The following RPS6KC1 variants were observed in gnomAD, a reference collection of about 807,000 sequenced individuals.
The protein encoded by RPS6KC1 is inactive ribosomal protein S6 kinase delta-1.
In RPS6KC1, 54 loss-of-function variants were observed where a neutral mutation model predicts 103.8. The observed-to-expected ratio is 0.52, with a 90% CI of 0.42 to 0.65. The LOEUF (loss-of-function observed/expected upper bound fraction) is 0.65. Among genes scored for constraint, RPS6KC1 ranks in the 30% least tolerant of loss-of-function variants. The pLI, the probability that RPS6KC1 is intolerant of heterozygous loss-of-function variation, is 0.00. For synonymous variants in RPS6KC1, 439 were observed against 438.7 expected (o/e 1.00, Z -0.01); for missense variants, 1,151 against 1,253.8 (o/e 0.92, Z 1.24).
chr1:213,298,449 A>T, the RPS6KC1 span, among the ~76,000 whole-genome samples: 1 of 152,094 alleles, frequency 6.6e-6, no homozygotes, highest in South Asian at 2.1e-4. Flanking sequence ...AAATTTCCCA[A>T]TCATGAGCCC....
intron 6 of RPS6KC1, among the ~76,000 whole-genome samples, chr1:213,136,961 C>T (rs1444480420): frequency 1.3e-5 from 2 of 152,096 alleles, no homozygotes; most frequent in Admixed American, 1.3e-4. Context: ...CCCAAAAAGC[C>T]AGGACTTCAG....
intron 8 of RPS6KC1, among the ~76,000 whole-genome samples, chr1:213,193,036 C>T (rs1333620025): frequency 6.6e-6 from 1 of 151,218 alleles, no homozygotes; most frequent in African/African-American, 2.4e-5. Context: ...TAGTTTTATT[C>T]CATTGTGGTC....
chr1:213,827,608 A>G, the RPS6KC1 span, among the ~76,000 whole-genome samples: 1 of 152,244 alleles, frequency 6.6e-6, no homozygotes, highest in African/African-American at 2.4e-5. Context: ...TTTTTATATA[A>G]CAAGCTTTTC....
chr1:213,403,661 C>T, the RPS6KC1 span, among the ~76,000 whole-genome samples: 25 of 152,186 alleles, frequency 1.6e-4, no homozygotes, highest in African/African-American at 6.0e-4. Context: ...TGTTCACGTG[C>T]TCCTCCCGTT....
chr1:213,799,147 G>A, the RPS6KC1 span, among the ~76,000 whole-genome samples: 6 of 152,150 alleles, frequency 3.9e-5, no homozygotes, highest in African/African-American at 1.4e-4. Flanking sequence ...CCGCCCTCCT[G>A]TCATCAACTG....
At chr1:213,596,400 C>T in the RPS6KC1 span, among the ~76,000 whole-genome samples, 23 of 152,302 alleles carry the variant, frequency 1.5e-4, 1 homozygote, top group East Asian at 2.7e-3. Flanking sequence ...GGGTTTTCTC[C>T]ACCAGCCAAG....
rs1207405567 is a variant in RPS6KC1, at chr1:213,077,869, A to G, written c.262+53A>G. Reference sequence around the variant, plus strand: ...TAAAAAAATAATTAATTTTGTATATATACTGAACTCTAACATAACTACACT... The same window carrying G: ...TAAAAAAATAATTAATTTTGTATATGTACTGAACTCTAACATAACTACACT... On this transcript the variant is annotated intron_variant, in intron 3 of 14. Transcript: ENST00000366960. 18 of 1,056,498 alleles carry G rather than the reference A, an allele frequency of 1.7e-5. No homozygotes were observed. The East Asian group carries it at 2.3e-4, about 13-fold the overall frequency. The allele number at this position is 1,056,498 out of a possible 1,614,324, so 65.4% of individuals were successfully genotyped here. A position where few individuals can be genotyped will look rare whatever the true frequency, so the allele number is the denominator to read the frequency against.
the RPS6KC1 span, among the ~76,000 whole-genome samples, chr1:213,296,667 G>C: frequency 1.3e-4 from 20 of 152,198 alleles, 1 homozygote; most frequent in Non-Finnish European, 2.9e-5. Context: ...TATAGAGTCA[G>C]AATAGGAAGA....
chr1:213,795,052 T>G, the RPS6KC1 span, among the ~76,000 whole-genome samples: 4 of 152,240 alleles, frequency 2.6e-5, no homozygotes, highest in Admixed American at 1.3e-4. Context: ...GAGTTGTCCT[T>G]AGTAGCTGAT....
the RPS6KC1 span, among the ~76,000 whole-genome samples, chr1:213,702,271 A>C: frequency 6.6e-6 from 1 of 151,934 alleles, no homozygotes; most frequent in Non-Finnish European, 1.5e-5. Flanking sequence ...CATTTCAGTC[A>C]GGGAATATGC....
At chr1:213,382,963 A>T in the RPS6KC1 span, among the ~76,000 whole-genome samples, 1 of 152,218 alleles carries the variant, frequency 6.6e-6, no homozygotes, top group East Asian at 1.9e-4. Flanking sequence ...TGGTCAAATA[A>T]ATCGAATAAC....
intron 6 of RPS6KC1, among the ~76,000 whole-genome samples, chr1:213,155,766 T>C (rs2089817429): frequency 6.6e-6 from 1 of 152,190 alleles, no homozygotes; most frequent in African/African-American, 2.4e-5. Flanking sequence ...GGTGTTTTTT[T>C]CTGTGTAGAT....
At chr1:213,726,851 G>A in the RPS6KC1 span, among the ~76,000 whole-genome samples, 1 of 152,242 alleles carries the variant, frequency 6.6e-6, no homozygotes, top group Non-Finnish European at 1.5e-5. Flanking sequence ...CAGTTCAGGA[G>A]CACAGAAGGT....
At chr1:213,434,177 A>G in the RPS6KC1 span, among the ~76,000 whole-genome samples, 1 of 149,388 alleles carries the variant, frequency 6.7e-6, no homozygotes, top group African/African-American at 2.5e-5. Context: ...TATAGTTGCT[A>G]TTTCCATCTG....
chr1:213,412,431 AC>A, the RPS6KC1 span, among the ~76,000 whole-genome samples: 1 of 152,190 alleles, frequency 6.6e-6, no homozygotes, highest in Non-Finnish European at 1.5e-5. Flanking sequence ...CTAGTTCCTG[AC>A]CACCTTACGT....
intron 8 of RPS6KC1, among the ~76,000 whole-genome samples, chr1:213,191,342 C>T (rs1007837020): frequency 6.6e-6 from 1 of 151,960 alleles, no homozygotes; most frequent in South Asian, 2.1e-4. Context: ...TAGTTTTCAT[C>T]GTAGAGATCT....
chr1:213,725,023 G>C, the RPS6KC1 span, among the ~76,000 whole-genome samples: 81 of 152,356 alleles, frequency 5.3e-4, no homozygotes, highest in Admixed American at 3.5e-3. Flanking sequence ...CACTGTTACA[G>C]CTGGAGTTGA....
chr1:213,561,746 C>G, the RPS6KC1 span, among the ~76,000 whole-genome samples: 1 of 152,220 alleles, frequency 6.6e-6, no homozygotes, highest in South Asian at 2.1e-4. Context: ...CCCAGCCCCA[C>G]TGAGCAGCTC....
chr1:213,725,522 C>T, the RPS6KC1 span, among the ~76,000 whole-genome samples: 12 of 152,204 alleles, frequency 7.9e-5, no homozygotes, highest in African/African-American at 2.4e-4. Flanking sequence ...TGTCCTGTGG[C>T]GTGGCCTCCC....
Sources: gnomAD v4.1 joint callset for allele counts (sites outside exome capture counted in the v4.1 genomes callset) on GRCh38, gnomAD v4.1.1 for gene constraint, MANE v1.5 for transcripts, NCBI Gene and HGNC (gene_info 2026-07-23, HGNC 2026-07-21) for gene names.